Variants in PPP2R3A observed in about 807,000 individuals in gnomAD.
PPP2R3A encodes the protein protein phosphatase 2 regulatory subunit B''alpha.
Under a neutral mutation model 106.9 loss-of-function variants are expected in PPP2R3A, and 80 were observed. That is an observed-to-expected ratio of 0.75 (90% confidence interval 0.62 to 0.90). PPP2R3A has a LOEUF of 0.90. Among genes scored for constraint, PPP2R3A ranks in the 40% least tolerant of loss-of-function variants. The pLI, the probability that PPP2R3A is intolerant of heterozygous loss-of-function variation, is 0.00. For synonymous variants in PPP2R3A, 483 were observed against 468.3 expected (o/e 1.03, Z -0.41); for missense variants, 1,386 against 1,350.4 (o/e 1.03, Z -0.41).
Position 136,090,658 on chromosome 3 carries a change from A to G in PPP2R3A, c.2918A>G (p.Asn973Ser). The change falls in exon 10 of 14, where the codon AAT (asparagine) becomes AGT (serine). Residue 973 changes from asparagine (N) to serine (S), a missense_variant. Transcript: ENST00000264977. ...WFLISEEDKR[N>S]PTSIEYWFRC... ...TTGATCTCTGAAGAAGACAAAAGGA[A>G]TCCTACCAGGTATGATTTCTAAGTT... 1 of 1,611,682 alleles carries G rather than the reference A, an allele frequency of 6.2e-7. No individual in the cohort carries two copies. Among genetic ancestry groups the G allele is most frequent in the Non-Finnish European group, 8.5e-7 (1 of 1,178,122 alleles).
At chr3:135,981,829 G>GGA (rs1322292514) in intron 1 of PPP2R3A, among the ~76,000 whole-genome samples, 2 of 151,856 alleles carry the variant, frequency 1.3e-5, no homozygotes, top group African/African-American at 4.9e-5. Flanking sequence ...GAAGGCCAAG[G>GGA]GAGAATAGTA....
chr3:136,080,051 G>A (rs1386569737), intron 7 of PPP2R3A, among the ~76,000 whole-genome samples: 1 of 151,976 alleles, frequency 6.6e-6, no homozygotes, highest in Non-Finnish European at 1.5e-5. Flanking sequence ...TATCATCTGT[G>A]GTTTTATTCT....
intron 3 of PPP2R3A, among the ~76,000 whole-genome samples, chr3:136,028,725 G>A (rs1934754406): frequency 6.6e-6 from 1 of 152,226 alleles, no homozygotes; most frequent in South Asian, 2.1e-4. Flanking sequence ...TGAATGGGCT[G>A]GAACTATGGC....
intron 10 of PPP2R3A, among the ~76,000 whole-genome samples, chr3:136,099,571 GTT>G: frequency 6.6e-6 from 1 of 151,880 alleles, no homozygotes; most frequent in South Asian, 2.1e-4. Flanking sequence ...AAAAAACAAT[GTT>G]TAGAAGATAA....
intron 5 of PPP2R3A, among the ~76,000 whole-genome samples, chr3:136,050,904 T>C (rs2140450): frequency 0.61 from 92,636 of 151,896 alleles, 29,116 homozygotes; most frequent in African/African-American, 0.73. Context: ...TTTATGGCAC[T>C]GTGCGTATTG....
At chr3:135,976,646 G>A (rs528894930) in intron 1 of PPP2R3A, among the ~76,000 whole-genome samples, 1 of 152,080 alleles carries the variant, frequency 6.6e-6, no homozygotes. Context: ...CCTCCAATCT[G>A]TTGGAGTCCT....
intron 6 of PPP2R3A, among the ~76,000 whole-genome samples, chr3:136,070,942 A>G (rs941498732): frequency 6.6e-6 from 1 of 152,264 alleles, no homozygotes; most frequent in Admixed American, 6.5e-5. Flanking sequence ...GGACATGATA[A>G]TGAGAAAATA....
chr3:136,087,809 A>C, intron 8 of PPP2R3A, 74 bp from the exon 9 acceptor site: 1 of 1,247,332 alleles, frequency 8.0e-7, no homozygotes, highest in East Asian at 2.4e-5. Flanking sequence ...GTGAAAAGCA[A>C]ATTTGTGAAA....
chr3:136,023,687 G>A lies in PPP2R3A; in HGVS notation c.1996-3145G>A, dbSNP rs761348086. Among the ~76,000 whole-genome samples, 36 of 152,128 alleles carry A rather than the reference G, an allele frequency of 2.4e-4. 1 individual carries two copies. Among genetic ancestry groups the A allele is most frequent in the Middle Eastern group, 3.4e-3 (1 of 294 alleles). ...TGGTAATCTTTTTTTAAAGCAAGAC[G>A]TATTTGTCTATATAGACAATTGTGT... On this transcript the variant is annotated intron_variant, in intron 2 of 13. Coordinates refer to ENST00000264977, the MANE Select transcript of PPP2R3A (RefSeq NM_002718.5).
intron 13 of PPP2R3A, among the ~76,000 whole-genome samples, chr3:136,143,720 G>A (rs1305257423): frequency 6.6e-6 from 1 of 151,732 alleles, no homozygotes; most frequent in Non-Finnish European, 1.5e-5. Flanking sequence ...GAACTTGGGA[G>A]GCAGAGGTTG....
At chr3:136,060,115 A>G (rs935612730) in intron 5 of PPP2R3A, among the ~76,000 whole-genome samples, 2 of 152,226 alleles carry the variant, frequency 1.3e-5, no homozygotes, top group African/African-American at 2.4e-5. Context: ...AAGTCAGCAC[A>G]TGAGCACCCG....
intron 5 of PPP2R3A, among the ~76,000 whole-genome samples, chr3:136,051,360 G>A (rs1935678574): frequency 1.3e-5 from 2 of 152,066 alleles, no homozygotes; most frequent in East Asian, 1.9e-4. Context: ...ACGGAGTCTC[G>A]CTCTTGTCGC....
intron 13 of PPP2R3A, among the ~76,000 whole-genome samples, chr3:136,136,029 G>A (rs1938597110): frequency 9.0e-6 from 1 of 111,330 alleles, no homozygotes; most frequent in Non-Finnish European, 1.7e-5. Context: ...CTGGGCAACA[G>A]AGCAAGACTC....
At chr3:136,088,645 G>A (rs1167156924) in intron 9 of PPP2R3A, among the ~76,000 whole-genome samples, 1 of 152,142 alleles carries the variant, frequency 6.6e-6, no homozygotes, top group Non-Finnish European at 1.5e-5. Flanking sequence ...TGGTAGTTCT[G>A]TTTTAAGTTC....
chr3:135,966,376 G>GGACGGGATTCCCGGCCCGCC, intron 1 of PPP2R3A, among the ~76,000 whole-genome samples: 1 of 152,170 alleles, frequency 6.6e-6, no homozygotes, highest in Non-Finnish European at 1.5e-5. Flanking sequence ...TCCGGGCCGC[G>GGACGGGATTCCCGGCCCGCC]GACGGGATTC....
chr3:136,026,393 T>C (rs2107821809), intron 2 of PPP2R3A, among the ~76,000 whole-genome samples: 1 of 152,256 alleles, frequency 6.6e-6, no homozygotes, highest in African/African-American at 2.4e-5. Context: ...CAAATACTTT[T>C]CGGATATATA....
chr3:136,047,371 T>C (rs77256178), intron 4 of PPP2R3A, among the ~76,000 whole-genome samples: 1 of 152,170 alleles, frequency 6.6e-6, no homozygotes, highest in Non-Finnish European at 1.5e-5. Flanking sequence ...TGTTCACAAT[T>C]GCAAAGACAT....
intron 5 of PPP2R3A, chr3:136,055,702 C>G: frequency 3.7e-6 from 3 of 804,518 alleles, no homozygotes; most frequent in Non-Finnish European, 6.2e-6. Flanking sequence ...CCCTAAGACT[C>G]TGGAGCAACT....
chr3:136,010,258 CTTT>C (rs35997478), intron 2 of PPP2R3A, among the ~76,000 whole-genome samples: 4 of 121,288 alleles, frequency 3.3e-5, no homozygotes, highest in Non-Finnish European at 5.2e-5. Flanking sequence ...TTCTTTCTTT[CTTT>C]TTTTTTTTTT....
Sources: allele counts gnomAD v4.1 joint callset (sites outside exome capture counted in the v4.1 genomes callset), GRCh38; gene constraint gnomAD v4.1.1; transcripts MANE v1.5; gene names NCBI Gene and HGNC (gene_info 2026-07-23, HGNC 2026-07-21).